The following DCPS variants were observed in gnomAD, a reference collection of about 807,000 sequenced individuals.
DCPS encodes m7GpppX diphosphatase.
In DCPS, 27 loss-of-function variants were observed where a neutral mutation model predicts 34.7. The observed-to-expected ratio is 0.78, with a 90% CI of 0.57 to 1.07. DCPS has a LOEUF of 1.07. Ranked by LOEUF, DCPS falls within the 50% of genes least tolerant of loss-of-function variation. DCPS has a pLI of 0.00. For missense variants in DCPS, 464 were observed against 436.9 expected (o/e 1.06, Z -0.55); for synonymous variants, 185 against 185.7 (o/e 1.00, Z 0.03).
chr11:126,340,506 T>C lies in DCPS; in HGVS notation c.636+2107T>C, dbSNP rs117531559. Among the ~76,000 whole-genome samples, 36 of 152,304 alleles carry C rather than the reference T, an allele frequency of 2.4e-4. No individual in the cohort carries two copies. In the East Asian group the frequency reaches 6.0e-3, roughly 25 times the overall value. ...CCGACCTTAATTCTTACTTGACTTT[T>C]GATGATGCTGTATTTTAGCGTCTCA... On this transcript the variant is annotated intron_variant, in intron 4 of 5. Coordinates refer to ENST00000263579, the MANE Select transcript of DCPS (RefSeq NM_014026.6).
chr11:126,321,471 T>G (rs1951706205), intron 2 of DCPS, among the ~76,000 whole-genome samples: 2 of 152,126 alleles, frequency 1.3e-5, no homozygotes, highest in Admixed American at 1.3e-4. Flanking sequence ...TAGCTCCATA[T>G]GTGCAATTGG....
At chr11:126,304,335 C>T in intron 1 of DCPS, 54 bp downstream of exon 1, 3 of 1,585,534 alleles carry the variant, frequency 1.9e-6, no homozygotes, top group Non-Finnish European at 2.6e-6. Context: ...CCAATCATCG[C>T]CTCGGAGGCA....
In DCPS at chr11:126,304,158, GGA is replaced by G. The variant is rs767929490; in HGVS notation, c.79_80del (p.Glu27LysfsTer43). 1.2e-6 allele frequency: 2 copies of G among 1,614,152 alleles called. No homozygotes were observed. The highest frequency in any genetic ancestry group is 2.7e-5 in the African/African-American group (2 of 74,958). On this transcript the variant is annotated frameshift_variant, in exon 1 of 6. Transcript: ENST00000263579. LOFTEE classifies it high-confidence loss of function. ...AGGAGGCCCACGCCGCCAGCACAGAGGAAAAGGAGGCAGGAGTTGGAAATGGT... is the reference window on the plus strand; with the variant it reads ...AGGAGGCCCACGCCGCCAGCACAGAGAAAGGAGGCAGGAGTTGGAAATGGT... ...VEEAHAASTE[E>X]KEAGVGNGTC...
chr11:126,323,029 G>T lies in DCPS; in HGVS notation c.377-8376G>T, dbSNP rs1164714828. ...TTTTGTAGAGATGGGGTCTTGCCAT[G>T]TAGCGCAGGCTGGTCTCGAACTCCT... is the stretch of plus-strand genomic sequence containing the variant. On this transcript the variant is annotated intron_variant, in intron 2 of 5. Coordinates refer to ENST00000263579, the MANE Select transcript of DCPS (RefSeq NM_014026.6). The surrounding 1 kb of genome is among the most constrained non-coding windows in gnomAD (Gnocchi z 4.4). Among the ~76,000 whole-genome samples, 1 of 152,146 alleles carries T rather than the reference G, an allele frequency of 6.6e-6. No individual in the cohort carries two copies.
Position 126,325,833 on chromosome 11 carries a change from A to G in DCPS, c.377-5572A>G, listed in dbSNP as rs983741362. Among the ~76,000 whole-genome samples the G allele has an allele frequency of 1.3e-5, 2 of 152,146 alleles. No homozygotes were observed. Among genetic ancestry groups the G allele is most frequent in the Non-Finnish European group, 2.9e-5 (2 of 68,024 alleles). On this transcript the variant is annotated intron_variant, in intron 2 of 5. Transcript: ENST00000263579. The surrounding 1 kb of genome is among the most constrained non-coding windows in gnomAD (Gnocchi z 4.3). ...CAGGCTGTGTTTGGAGAATGCCAGC[A>G]GGAAGGCCAGGCGCGGTGGCTCACA...
chr11:126,341,371 T>C (rs911441700), intron 4 of DCPS: 2 of 152,262 alleles, frequency 1.3e-5, no homozygotes, highest in African/African-American at 4.8e-5. Context: ...CTAGCTTTTT[T>C]CAGATGACTT....
At position 126,342,476 on chromosome 11, in the gene DCPS, C is replaced by T. The variant is rs1046893443; in HGVS notation, c.637-831C>T. On this transcript the variant is annotated intron_variant, in intron 4 of 5. Coordinates refer to ENST00000263579, the MANE Select transcript of DCPS (RefSeq NM_014026.6). The surrounding 1 kb of genome is among the most constrained non-coding windows in gnomAD (Gnocchi z 4.4). ...AATCAAGTTGCTTCCTCTCCCCTTC[C>T]GTATACATTCTATGCCCTATACATT... Among the ~76,000 whole-genome samples, 3 of 152,184 alleles carry T rather than the reference C, an allele frequency of 2.0e-5. No individual in the cohort carries two copies. The highest frequency in any genetic ancestry group is 2.9e-5 in the Non-Finnish European group (2 of 68,028).
Position 126,336,317 on chromosome 11 carries a change from A to G in DCPS, c.523-1969A>G, listed in dbSNP as rs991978126. ...CGCCTTTCCCTCTTTTCCTGTCCCC[A>G]GTCAGTTTTGTAGCCTCTGGCATAC... is the stretch of plus-strand genomic sequence containing the variant. On this transcript the variant is annotated intron_variant, in intron 3 of 5. Transcript: ENST00000263579. This position sits in a 1 kb window ranked among gnomAD's most constrained non-coding sequence, Gnocchi z 6.3. 2 of 152,214 alleles carry G rather than the reference A, an allele frequency of 1.3e-5. No individual in the cohort carries two copies. The highest frequency in any genetic ancestry group is 1.5e-5 in the Non-Finnish European group (1 of 68,206). 9.4% of individuals were successfully genotyped at this position (152,214 alleles called of 1,614,324 possible). A position where few individuals can be genotyped will look rare whatever the true frequency, so the allele number is the denominator to read the frequency against.
At position 126,313,397 on chromosome 11, in the gene DCPS, T is replaced by C. The variant is rs1951633536; in HGVS notation, c.376+6653T>C. 6.6e-6 allele frequency among the ~76,000 whole-genome samples: 1 copy of C among 152,216 alleles called. No homozygotes were observed. The highest frequency in any genetic ancestry group is 2.1e-4 in the South Asian group (1 of 4,838). On this transcript the variant is annotated intron_variant, in intron 2 of 5. Transcript: ENST00000263579. This position sits in a 1 kb window ranked among gnomAD's most constrained non-coding sequence, Gnocchi z 4.9. ...AAGACAAGTCATTCTCAGAAGAGTT[T>C]GCTTGGTAGCATTGTTAATGATAGA...
chr11:126,332,200 G>A lies in DCPS; in HGVS notation c.522+650G>A, dbSNP rs1951799415. Among the ~76,000 whole-genome samples, 1 of 152,178 alleles carries A rather than the reference G, an allele frequency of 6.6e-6. No homozygotes were observed. Among genetic ancestry groups the A allele is most frequent in the Non-Finnish European group, 1.5e-5 (1 of 68,020 alleles). ...CCTTGCATTCGTCCAAAAGAAGGCA[G>A]GACCCCATTGGCCCCGGGGATTTGG... On this transcript the variant is annotated intron_variant, in intron 3 of 5. Transcript: ENST00000263579. The surrounding 1 kb of genome is among the most constrained non-coding windows in gnomAD (Gnocchi z 5.4).
Position 126,304,194 on chromosome 11 carries a change from T to C in DCPS, c.114T>C (p.Ala38=). The part of the protein sequence containing the change: ...KEAGVGNGTC[A]PVRLPFSGFR... Reference sequence around the variant, plus strand: ...CAGGAGTTGGAAATGGTACCTGTGCTCCTGTCCGCTTACCGTTCTCCGGCT... The same window carrying C: ...CAGGAGTTGGAAATGGTACCTGTGCCCCTGTCCGCTTACCGTTCTCCGGCT... The change falls in exon 1 of 6, where the codon GCT becomes GCC. Residue 38 remains alanine, a synonymous_variant. Coordinates refer to ENST00000263579, the MANE Select transcript of DCPS (RefSeq NM_014026.6). 1 of 1,614,254 alleles carries C rather than the reference T, an allele frequency of 6.2e-7. No homozygotes were observed. Among genetic ancestry groups the C allele is most frequent in the East Asian group, 2.2e-5 (1 of 44,892 alleles).
rs928145620 is a variant in DCPS, at chr11:126,334,058, C to T, written c.522+2508C>T. Among the ~76,000 whole-genome samples the T allele has an allele frequency of 1.3e-5, 2 of 151,926 alleles. No homozygotes were observed. The highest frequency in any genetic ancestry group is 2.4e-5 in the African/African-American group (1 of 41,324). On this transcript the variant is annotated intron_variant, in intron 3 of 5. Coordinates refer to ENST00000263579, the MANE Select transcript of DCPS (RefSeq NM_014026.6). This position sits in a 1 kb window ranked among gnomAD's most constrained non-coding sequence, Gnocchi z 5.5. ...TGGGAAAAACCAGTATGGGTCTGAA[C>T]CAAGGTAGGGACAGTGGGGAAGGAT... is the stretch of plus-strand genomic sequence containing the variant.
chr11:126,304,314 G>C (rs756353558), intron 1 of DCPS, 33 bp downstream of exon 1: 8 of 1,611,820 alleles, frequency 5.0e-6, no homozygotes, highest in Non-Finnish European at 6.8e-6. Flanking sequence ...TGGGATGCGG[G>C]AAGCAGTGAA....
rs991548945 is a variant in DCPS, at chr11:126,340,438, C to T, written c.636+2039C>T. On this transcript the variant is annotated intron_variant, in intron 4 of 5. Transcript: ENST00000263579. Reference sequence around the variant, plus strand: ...CTGGATTCAAGCAATTCTCGTGCCTCAGCAACCCAAGTAGCTGGGACTACA... The same window carrying T: ...CTGGATTCAAGCAATTCTCGTGCCTTAGCAACCCAAGTAGCTGGGACTACA... Among the ~76,000 whole-genome samples, 5 of 152,282 alleles carry T rather than the reference C, an allele frequency of 3.3e-5. No individual in the cohort carries two copies. In the East Asian group the frequency reaches 9.6e-4, roughly 29 times the overall value.
rs1951632718 is a variant in DCPS at position 126,313,295 on chromosome 11, G to A, written c.376+6551G>A. On this transcript the variant is annotated intron_variant, in intron 2 of 5. Coordinates refer to ENST00000263579, the MANE Select transcript of DCPS (RefSeq NM_014026.6). This position sits in a 1 kb window ranked among gnomAD's most constrained non-coding sequence, Gnocchi z 4.9. ...CTGTAGCCACAGGCCAGGGTTTTCC[G>A]CCCTGTGCTATTTGCAGAGGCAAAA... Among the ~76,000 whole-genome samples, 1 of 152,192 alleles carries A rather than the reference G, an allele frequency of 6.6e-6. No homozygotes were observed. Among genetic ancestry groups the A allele is most frequent in the Admixed American group, 6.5e-5 (1 of 15,276 alleles).
At chr11:126,343,215 G>C in intron 4 of DCPS, 92 bp from the exon 5 acceptor site, 1 of 1,001,934 alleles carries the variant, frequency 1.0e-6, no homozygotes, top group Non-Finnish European at 1.5e-6. Context: ...CTCAGGGGTG[G>C]GTGCTTCCTG....
At chr11:126,330,713 ATATATATTTTTTTTTTTTT>A (rs1951779807) in intron 2 of DCPS, among the ~76,000 whole-genome samples, 3 of 24,136 alleles carry the variant, frequency 1.2e-4, no homozygotes, top group Non-Finnish European at 2.0e-4. Context: ...ATATATATAT[ATATATATTTTTTTTTTTTT>A]TTTTTTTTTT....
chr11:126,330,658 C>A (rs1205700327), intron 2 of DCPS, among the ~76,000 whole-genome samples: 1 of 135,902 alleles, frequency 7.4e-6, no homozygotes, highest in African/African-American at 2.7e-5. Flanking sequence ...CTGCACTGCC[C>A]ATCATTAAGG....
Position 126,337,368 on chromosome 11 carries a change from G to A in DCPS, c.523-918G>A, listed in dbSNP as rs1951840185. ...TTTGCAAAGGGCCCTGAGAGCCGGGGGAAGTAGAGGAGAGCTGGGGGTACT... is the reference window on the plus strand; with the variant it reads ...TTTGCAAAGGGCCCTGAGAGCCGGGAGAAGTAGAGGAGAGCTGGGGGTACT... On this transcript the variant is annotated intron_variant, in intron 3 of 5. Coordinates refer to ENST00000263579, the MANE Select transcript of DCPS (RefSeq NM_014026.6). The surrounding 1 kb of genome is among the most constrained non-coding windows in gnomAD (Gnocchi z 5.3). The A allele has an allele frequency of 6.6e-6, 1 of 152,466 alleles. No homozygotes were observed. The highest frequency in any genetic ancestry group is 1.5e-5 in the Non-Finnish European group (1 of 68,254). The allele number at this position is 152,466 out of a possible 1,614,324, so 9.4% of individuals were successfully genotyped here.
Sources: gnomAD v4.1 joint callset for allele counts (sites outside exome capture counted in the v4.1 genomes callset) on GRCh38, gnomAD v4.1.1 for gene constraint, Gnocchi (gnomAD v3.1) non-coding constraint, MANE v1.5 for transcripts, NCBI Gene and HGNC (gene_info 2026-07-23, HGNC 2026-07-21) for gene names.